The following SMG5 variants were observed in gnomAD, a reference collection of about 807,000 sequenced individuals.
SMG5 encodes the protein SMG5 nonsense mediated mRNA decay factor.
SMG5 carries 53 observed loss-of-function variants against 122.9 expected under a neutral mutation model. That is an observed-to-expected ratio of 0.43 (90% CI 0.35 to 0.54). SMG5 has a LOEUF of 0.54. SMG5 is among the 20% of genes least tolerant of loss of function. SMG5 has a pLI of 0.01. For missense variants in SMG5, 1,153 were observed against 1,285.6 expected, an observed-to-expected ratio of 0.90 and a Z score of 1.58; for synonymous variants, 477 against 490.2, an observed-to-expected ratio of 0.97 and a Z score of 0.35.
intron 16 of SMG5, among the ~76,000 whole-genome samples, chr1:156,254,566 C>G (rs1343398203): frequency 6.6e-6 from 1 of 152,172 alleles, no homozygotes; most frequent in East Asian, 1.9e-4. Flanking sequence ...GCCTCAGCCC[C>G]CCAACTAGCT....
chr1:156,259,691 G>C (rs1042771993), intron 15 of SMG5, among the ~76,000 whole-genome samples: 1 of 151,968 alleles, frequency 6.6e-6, no homozygotes, highest in Non-Finnish European at 1.5e-5. Flanking sequence ...ACCATGCCCA[G>C]CTAATTTTTG....
chr1:156,272,115 T>C (rs1449379247), intron 7 of SMG5, among the ~76,000 whole-genome samples: 1 of 152,200 alleles, frequency 6.6e-6, no homozygotes, highest in Non-Finnish European at 1.5e-5. Flanking sequence ...ATAGCTATTT[T>C]AGCTGCCCAA....
intron 7 of SMG5, among the ~76,000 whole-genome samples, chr1:156,270,476 A>G (rs562526439): frequency 6.6e-6 from 1 of 152,338 alleles, no homozygotes; most frequent in African/African-American, 2.4e-5. Context: ...GACTAACCCT[A>G]AACAATGCCA....
intron 14 of SMG5, 128 bp from the exon 15 acceptor site, chr1:156,260,754 C>T (rs1558235734): frequency 3.7e-6 from 3 of 811,470 alleles, no homozygotes; most frequent in Non-Finnish European, 5.3e-6. Flanking sequence ...TAGGACAGTG[C>T]GGAGAGATGG....
intron 1 of SMG5, among the ~76,000 whole-genome samples, chr1:156,281,848 A>T (rs1662964375): frequency 6.6e-6 from 1 of 152,188 alleles, no homozygotes; most frequent in Non-Finnish European, 1.5e-5. Context: ...TTGCCAACAG[A>T]GGGCTGAAGG....
At chr1:156,262,980 T>G (rs1165102248) in intron 13 of SMG5, among the ~76,000 whole-genome samples, 2 of 152,162 alleles carry the variant, frequency 1.3e-5, no homozygotes, top group Admixed American at 6.5e-5. Context: ...CTTAAGCTGT[T>G]CCCCCTGCCT....
rs746945676 is a variant in SMG5, at chr1:156,260,484, G to A, written c.2250C>T (p.Asp750=). Residue 750 remains aspartate, a synonymous_variant, in exon 15 of 22, where the codon GAC becomes GAT. Transcript: ENST00000361813. ...LRAAHRRFNF[D]TDRPLLSTLE... ...AGGTGCTGAGCAGGGGCCGATCCGT[G>A]TCAAAGTTAAAGCGTCTGTGGGCAG... 1 of 1,594,786 alleles carries A rather than the reference G, an allele frequency of 6.3e-7. No homozygotes were observed. The highest frequency in any genetic ancestry group is 1.1e-5 in the South Asian group (1 of 88,224).
Position 156,250,360 on chromosome 1 carries a change from C to G in SMG5, c.*227G>C. ...GCTGGCCAGGGGCCCACAAGACTCT[C>G]CTAATCCAAGCACTTTCCTCGCTTT... On this transcript the variant is annotated 3_prime_UTR_variant, in exon 22 of 22. Transcript: ENST00000361813. 3.6e-6 allele frequency: 2 copies of G among 556,098 alleles called. No individual in the cohort carries two copies. Among genetic ancestry groups the G allele is most frequent in the Non-Finnish European group, 6.5e-6 (2 of 308,512 alleles). The allele number at this position is 556,098 out of a possible 1,614,324, so 34.4% of individuals were successfully genotyped here.
chr1:156,285,711 C>G (rs370869076), upstream of SMG5: 21 of 1,613,250 alleles, frequency 1.3e-5, no homozygotes, highest in African/African-American at 1.6e-4. Flanking sequence ...TTCATGCCCC[C>G]CCGGGTCACC....
Position 156,261,325 on chromosome 1 carries a change from C to G in SMG5, c.2107+8G>C. ...AAGAAAGGAGGGTAGTGCCAGGGAC[C>G]CACTCACCAGACTCCTGGAGTTCAC... On this transcript the variant is annotated splice_region_variant and intron_variant, in intron 14 of 21. Transcript: ENST00000361813. 6.2e-7 allele frequency: 1 copy of G among 1,613,712 alleles called. No homozygotes were observed. Among genetic ancestry groups the G allele is most frequent in the Non-Finnish European group, 8.5e-7 (1 of 1,179,706 alleles).
upstream of SMG5, chr1:156,286,451 A>G (rs1663166430): frequency 1.2e-6 from 2 of 1,614,106 alleles, no homozygotes; most frequent in East Asian, 2.2e-5. Context: ...CCCTCTGCTC[A>G]CTGGTCTCTT....
At chr1:156,287,939 C>T in the SMG5 span, among the ~76,000 whole-genome samples, 8 of 151,844 alleles carry the variant, frequency 5.3e-5, no homozygotes, top group Admixed American at 3.3e-4. Flanking sequence ...TTCATTCAGA[C>T]TTTGCCATCA....
At position 156,263,695 on chromosome 1, in the gene SMG5, T is replaced by A. The variant is rs969024869; in HGVS notation, c.1856-125A>T. ...TGGGCCCTTCCAAGGAATTTGGATA[T>A]GAAAAATCTGGGGAACCACTTACAG... is the stretch of plus-strand genomic sequence containing the variant. On this transcript the variant is annotated intron_variant, in intron 12 of 21. Transcript: ENST00000361813. 6 of 1,048,040 alleles carry A rather than the reference T, an allele frequency of 5.7e-6. No individual in the cohort carries two copies. The African/African-American group carries it at 8.0e-5, about 14-fold the overall frequency. 64.9% of individuals were successfully genotyped at this position (1,048,040 alleles called of 1,614,324 possible). A position where few individuals can be genotyped will look rare whatever the true frequency, so the allele number is the denominator to read the frequency against.
chr1:156,267,391 T>C, intron 10 of SMG5, 79 bp downstream of exon 10: 1 of 1,428,376 alleles, frequency 7.0e-7, no homozygotes, highest in Admixed American at 1.8e-5. Flanking sequence ...AGGAAGTTTA[T>C]GAATAAGGAG....
intron 19 of SMG5, 90 bp downstream of exon 19, chr1:156,252,324 T>C: frequency 1.7e-6 from 2 of 1,208,054 alleles, no homozygotes; most frequent in South Asian, 1.3e-5. Flanking sequence ...GTATGTGTCT[T>C]ACCCATAGGG....
Position 156,262,304 on chromosome 1 carries a change from C to T in SMG5, c.2032-896G>A, listed in dbSNP as rs112653972. Among the ~76,000 whole-genome samples the T allele has an allele frequency of 8.9e-3, 1,357 of 151,816 alleles. 26 individuals carry two copies. Among genetic ancestry groups the T allele is most frequent in the African/African-American group, 0.03 (1,257 of 41,386 alleles). The stretch of plus-strand genomic sequence containing the variant: ...GACCATCCTGGCTAACATGGTGAAA[C>T]GCCGTCTCTACTAAAAATACAAAAA... On this transcript the variant is annotated intron_variant, in intron 13 of 21. Coordinates refer to ENST00000361813, the MANE Select transcript of SMG5 (RefSeq NM_015327.3).
At position 156,266,141 on chromosome 1, in the gene SMG5, T is replaced by C. The variant is rs987565948; in HGVS notation, c.1495A>G (p.Lys499Glu). 69 of 1,614,094 alleles carry C rather than the reference T, an allele frequency of 4.3e-5. No individual in the cohort carries two copies. The highest frequency in any genetic ancestry group is 5.7e-5 in the Non-Finnish European group (67 of 1,180,042). The change falls in exon 12 of 22, where the codon AAG (lysine) becomes GAG (glutamate). Residue 499 changes from lysine to glutamate, a missense_variant. Physicochemically the swap from Lys to Glu is moderately conservative, Grantham distance 56. Around this residue, in one of 5 missense-constraint regions of SMG5, gnomAD observed 631 missense variants for 650.6 expected, o/e 0.97. Transcript: ENST00000361813. ...GCCGTTCCCCCACCTTCAAGACTCT[T>C]GTCAGAGCCACTGTCTGAGCCCTCA... ...ASEGSDSGSD[K>E]SLEGGGTAFD...
rs559438922 is a variant in SMG5, at chr1:156,255,272, G to A, written c.2443-1764C>T. ...TACAAAAACTGGGGCCAGACACAGT[G>A]GCTCATGCCTGTAATCCCAGCACTT... On this transcript the variant is annotated intron_variant, in intron 16 of 21. Coordinates refer to ENST00000361813, the MANE Select transcript of SMG5 (RefSeq NM_015327.3). Among the ~76,000 whole-genome samples the A allele has an allele frequency of 3.3e-5, 5 of 151,766 alleles. No individual in the cohort carries two copies. In the South Asian group the frequency reaches 1.0e-3, roughly 32 times the overall value.
chr1:156,283,977 C>T (rs1298851074), upstream of SMG5, among the ~76,000 whole-genome samples: 2 of 152,190 alleles, frequency 1.3e-5, no homozygotes, highest in Non-Finnish European at 2.9e-5. Flanking sequence ...CTGTGTCTGC[C>T]TAGCTAATAA....
Sources: gnomAD v4.1 joint callset for allele counts (sites outside exome capture counted in the v4.1 genomes callset) on GRCh38, gnomAD v4.1.1 for gene constraint, gnomAD v4.1.1 regional missense constraint, MANE v1.5 for transcripts, NCBI Gene and HGNC (gene_info 2026-07-23, HGNC 2026-07-21) for gene names.